FAT4: variants seen among roughly 807,000 people sequenced by gnomAD.
The protein encoded by FAT4 is FAT atypical cadherin 4, also known as protocadherin Fat 4.
Under a neutral mutation model 303.9 loss-of-function variants are expected in FAT4, and 84 were observed. The observed-to-expected ratio is 0.28, with a 90% CI of 0.23 to 0.33. The LOEUF (loss-of-function observed/expected upper bound fraction) is 0.33, where lower values mean the gene tolerates loss of function less well. Ranked by LOEUF, FAT4 falls within the 10% of genes least tolerant of loss-of-function variation. The pLI, the probability that FAT4 is intolerant of heterozygous loss-of-function variation, is 1.00. For synonymous variants in FAT4, 2,307 were observed against 2,298.8 expected, an observed-to-expected ratio of 1.00 and a Z score of -0.10; for missense variants, 6,005 against 6,146.8, an observed-to-expected ratio of 0.98 and a Z score of 0.77.
rs1734990883 is a variant in FAT4, at chr4:125,415,063, A to G, written c.6100A>G (p.Thr2034Ala). The G allele has an allele frequency of 1.9e-6, 3 of 1,613,956 alleles. No individual in the cohort carries two copies. Among genetic ancestry groups the G allele is most frequent in the Non-Finnish European group, 2.5e-6 (3 of 1,179,966 alleles). ...PQIPASRFTSTAQVSIILLDV... is the reference protein window; with the variant it reads ...PQIPASRFTSAAQVSIILLDV... ...GATTCCAGCCTCCAGATTCACAAGC[A>G]CTGCTCAAGTCTCCATTATTTTGTT... Residue 2034 changes from threonine to alanine, a missense_variant, in exon 6 of 18, where the codon ACT becomes GCT. Transcript: ENST00000394329.
At chr4:125,432,997 C>A (rs1725332112) in intron 7 of FAT4, among the ~76,000 whole-genome samples, 1 of 152,088 alleles carries the variant, frequency 6.6e-6, no homozygotes, top group African/African-American at 2.4e-5. Context: ...CCATAATTTC[C>A]CCATCTGTTG....
chr4:125,366,773 A>G (rs1732903542), intron 2 of FAT4, among the ~76,000 whole-genome samples: 2 of 151,476 alleles, frequency 1.3e-5, no homozygotes, highest in South Asian at 4.2e-4. Flanking sequence ...TATTTTTTTG[A>G]CTTTTTAGTA....
chr4:125,473,014 T>G (rs951946216), intron 12 of FAT4, among the ~76,000 whole-genome samples: 1 of 152,162 alleles, frequency 6.6e-6, no homozygotes, highest in Non-Finnish European at 1.5e-5. Context: ...AGCTGGAACA[T>G]TTTTCTAATA....
chr4:125,423,685 A>G (rs1028381459), intron 7 of FAT4, among the ~76,000 whole-genome samples: 4 of 152,204 alleles, frequency 2.6e-5, no homozygotes, highest in African/African-American at 4.8e-5. Flanking sequence ...ACTTGCAGCT[A>G]TGCACCTGGC....
Position 125,316,032 on chromosome 4 carries a change from A to G in FAT4, c.-13+55A>G, listed in dbSNP as rs1270176945. The stretch of plus-strand genomic sequence containing the variant: ...TTTGCAATGATTCCTCATATACCTT[A>G]GATACAGGCAACTTCTCCCAACTCT... On this transcript the variant is annotated intron_variant, in intron 1 of 17. Coordinates refer to ENST00000394329, the MANE Select transcript of FAT4 (RefSeq NM_001291303.3). The surrounding 1 kb of genome is among the most constrained non-coding windows in gnomAD (Gnocchi z 5.7). 6.6e-6 allele frequency among the ~76,000 whole-genome samples: 1 copy of G among 152,134 alleles called. No homozygotes were observed. The highest frequency in any genetic ancestry group is 1.5e-5 in the Non-Finnish European group (1 of 68,020).
In FAT4 at chr4:125,317,174, T is replaced by A. The variant is rs1388298040; in HGVS notation, c.763T>A (p.Tyr255Asn). Residue 255 changes from tyrosine to asparagine, a missense_variant, in exon 2 of 18, where the codon TAC (tyrosine) becomes AAC (asparagine). Tyr to Asn is a moderately radical substitution (Grantham distance 143). Coordinates refer to ENST00000394329, the MANE Select transcript of FAT4 (RefSeq NM_001291303.3). The surrounding 1 kb of genome is among the most constrained non-coding windows in gnomAD (Gnocchi z 7.0). Reference sequence around the variant, plus strand: ...CCCCCCGGTTTTTGGCAGTTCTCACTACCAGGCGGGGGTGCCTGAGGACGC... The same window carrying A: ...CCCCCCGGTTTTTGGCAGTTCTCACAACCAGGCGGGGGTGCCTGAGGACGC... ...DNPPVFGSSHYQAGVPEDAVV... is the reference protein window; with the variant it reads ...DNPPVFGSSHNQAGVPEDAVV... 1.2e-6 allele frequency: 2 copies of A among 1,602,330 alleles called. No individual in the cohort carries two copies. The highest frequency in any genetic ancestry group is 1.7e-6 in the Non-Finnish European group (2 of 1,171,930).
rs374283543 is a variant in FAT4, at chr4:125,434,324, T to C, written c.7098T>C (p.Ser2366=). Residue 2366 remains serine (S), a synonymous_variant, in exon 8 of 18, where the codon AGT becomes AGC. Transcript: ENST00000394329. ...ATGACAATGTCCCCACATTTGCCAG[T>C]AAAGCGTATTTCACAACAATTCCTG... ...DVNDNVPTFA[S]KAYFTTIPED... 1 of 1,614,104 alleles carries C rather than the reference T, an allele frequency of 6.2e-7. No individual in the cohort carries two copies. The highest frequency in any genetic ancestry group is 8.5e-7 in the Non-Finnish European group (1 of 1,179,960).
Position 125,362,412 on chromosome 4 carries a change from C to T in FAT4, c.5176-36372C>T, listed in dbSNP as rs139956822. 3.3e-5 allele frequency among the ~76,000 whole-genome samples: 5 copies of T among 152,166 alleles called. No homozygotes were observed. The East Asian group carries it at 9.7e-4, about 30-fold the overall frequency. On this transcript the variant is annotated intron_variant, in intron 2 of 17. Transcript: ENST00000394329. The stretch of plus-strand genomic sequence containing the variant: ...ATATTAGTTGAAATTATAGGTAGAG[C>T]TGTCATGATGACATGAGTAGGTAAT...
At chr4:125,383,879 T>C (rs546060138) in intron 2 of FAT4, among the ~76,000 whole-genome samples, 1 of 152,252 alleles carries the variant, frequency 6.6e-6, no homozygotes, top group Admixed American at 6.5e-5. Flanking sequence ...ATCCTTTTTA[T>C]TAAGCAAAAT....
intron 2 of FAT4, among the ~76,000 whole-genome samples, chr4:125,334,152 G>A (rs921529399): frequency 3.3e-5 from 5 of 151,994 alleles, no homozygotes; most frequent in African/African-American, 1.2e-4. Flanking sequence ...CCTTAAACTC[G>A]GAGTGAGAAA....
In FAT4 at chr4:125,490,641, A is replaced by C; in HGVS notation, c.13825A>C (p.Ser4609Arg). The C allele has an allele frequency of 6.2e-7, 1 of 1,614,172 alleles. No homozygotes were observed. Among genetic ancestry groups the C allele is most frequent in the Non-Finnish European group, 8.5e-7 (1 of 1,180,048 alleles). Reference protein sequence around the residue: ...DIPHNSETIPSAPLASPEQEI... With the variant: ...DIPHNSETIPRAPLASPEQEI... ...TCCTCACAACTCAGAAACCATCCCC[A>C]GCGCCCCTTTGGCATCTCCAGAGCA... The change falls in exon 18 of 18, where the codon AGC becomes CGC. Residue 4609 changes from serine (S) to arginine (R), a missense_variant. By Grantham distance (110) the Ser-to-Arg change is moderately radical. Transcript: ENST00000394329.
chr4:125,357,611 A>G (rs1732484139), intron 2 of FAT4, among the ~76,000 whole-genome samples: 1 of 152,162 alleles, frequency 6.6e-6, no homozygotes, highest in African/African-American at 2.4e-5. Flanking sequence ...TTAACTGCTC[A>G]TTCTTATGGA....
In FAT4 at chr4:125,316,302, A is replaced by C. The variant is rs1730581661; in HGVS notation, c.-12-98A>C. ...TTCTTTGAAATAGCAGAGGTCTCAG[A>C]CCAAGCCGTCAGCTGAATCTTTGCT... On this transcript the variant is annotated intron_variant, in intron 1 of 17. Transcript: ENST00000394329. The surrounding 1 kb of genome is among the most constrained non-coding windows in gnomAD (Gnocchi z 5.7). 5 of 1,430,388 alleles carry C rather than the reference A, an allele frequency of 3.5e-6. No homozygotes were observed. The highest frequency in any genetic ancestry group is 4.5e-5 in the Admixed American group (2 of 44,364). The allele number at this position is 1,430,388 out of a possible 1,614,324, so 88.6% of individuals were successfully genotyped here. A position where few individuals can be genotyped will look rare whatever the true frequency, so the allele number is the denominator to read the frequency against.
Position 125,320,126 on chromosome 4 carries a change from G to A in FAT4, c.3715G>A (p.Glu1239Lys), listed in dbSNP as rs1193967413. The A allele has an allele frequency of 1.9e-6, 3 of 1,614,000 alleles. No homozygotes were observed. Among genetic ancestry groups the A allele is most frequent in the Non-Finnish European group, 8.5e-7 (1 of 1,179,900 alleles). Residue 1239 changes from glutamate (E) to lysine (K), a missense_variant, in exon 2 of 18, where the codon GAA (glutamate) becomes AAA (lysine). Glu to Lys is a moderately conservative substitution (Grantham distance 56, BLOSUM62 1). Transcript: ENST00000394329. Reference sequence around the variant, plus strand: ...AAGAGTATCTGCCTCAGATGTTGATGAAGGTAATAATGGACTTATTCACTA... The same window carrying A: ...AAGAGTATCTGCCTCAGATGTTGATAAAGGTAATAATGGACTTATTCACTA... ...VLRVSASDVDEGNNGLIHYSI... is the reference protein window; with the variant it reads ...VLRVSASDVDKGNNGLIHYSI...
intron 8 of FAT4, among the ~76,000 whole-genome samples, chr4:125,436,067 G>A (rs1343276200): frequency 6.6e-6 from 1 of 151,182 alleles, no homozygotes; most frequent in Non-Finnish European, 1.5e-5. Flanking sequence ...GGGAGGGATA[G>A]CATTAGGAGA....
rs199497561 is a variant in FAT4 at position 125,319,328 on chromosome 4, G to A, written c.2917G>A (p.Val973Ile). 7.9e-5 allele frequency: 128 copies of A among 1,613,830 alleles called. No homozygotes were observed. The African/African-American group carries it at 1.3e-3, about 17-fold the overall frequency. The change falls in exon 2 of 18, where the codon GTC (valine) becomes ATC (isoleucine). Residue 973 changes from valine (V) to isoleucine (I), a missense_variant. Val to Ile is a conservative substitution (Grantham distance 29). Transcript: ENST00000394329. The part of the protein sequence containing the change: ...QIEILASDMG[V>I]PQLSSSVILT... ...AGAGATCTTGGCATCTGACATGGGTGTCCCACAGCTCTCCTCTAGTGTCAT... is the reference window on the plus strand; with the variant it reads ...AGAGATCTTGGCATCTGACATGGGTATCCCACAGCTCTCCTCTAGTGTCAT...
intron 2 of FAT4, among the ~76,000 whole-genome samples, chr4:125,322,839 G>T (rs905119020): frequency 3.3e-5 from 5 of 151,778 alleles, no homozygotes; most frequent in African/African-American, 1.2e-4. Flanking sequence ...ATTAATTAGA[G>T]ATATAATTCT....
intron 2 of FAT4, among the ~76,000 whole-genome samples, chr4:125,343,113 T>A (rs1038211728): frequency 2.6e-5 from 4 of 152,180 alleles, no homozygotes; most frequent in African/African-American, 9.7e-5. Context: ...TTCATATTCA[T>A]ATATTTTGGT....
chr4:125,434,004 G>C lies in FAT4; in HGVS notation c.7019-241G>C, dbSNP rs575292442. Among the ~76,000 whole-genome samples, 80 of 152,228 alleles carry C rather than the reference G, an allele frequency of 5.3e-4. No individual in the cohort carries two copies. The South Asian group carries it at 7.9e-3, about 15-fold the overall frequency. ...TTGTTGAATCAGCACCTTTAAAATA[G>C]AATAAGAGCATGACATATACTTTTC... On this transcript the variant is annotated intron_variant, in intron 7 of 17. Coordinates refer to ENST00000394329, the MANE Select transcript of FAT4 (RefSeq NM_001291303.3).
Sources: gnomAD v4.1 joint callset for allele counts (sites outside exome capture counted in the v4.1 genomes callset) on GRCh38, gnomAD v4.1.1 for gene constraint, Gnocchi (gnomAD v3.1) non-coding constraint, MANE v1.5 for transcripts, NCBI Gene and HGNC (gene_info 2026-07-23, HGNC 2026-07-21) for gene names.